EDC3: variants seen among roughly 807,000 people sequenced by gnomAD.
EDC3 encodes enhancer of mRNA-decapping protein 3.
A neutral mutation model predicts 41.8 loss-of-function variants in EDC3; 20 were observed. The ratio of observed to expected loss-of-function variants is 0.48; its 90% CI spans 0.34 to 0.70. EDC3 has a LOEUF of 0.70. Ranked by LOEUF, EDC3 falls within the 30% of genes least tolerant of loss-of-function variation. The probability of loss-of-function intolerance (pLI) is 0.01; values close to 1 mark genes in which losing one functional copy is unlikely to be tolerated. For synonymous variants in EDC3, 206 were observed against 243.2 expected (o/e 0.85, Z 1.42); for missense variants, 444 against 636.8 (o/e 0.70, Z 3.26).
At chr15:74,691,485 C>G (rs1246969697) in intron 1 of EDC3, among the ~76,000 whole-genome samples, 1 of 152,190 alleles carries the variant, frequency 6.6e-6, no homozygotes, top group African/African-American at 2.4e-5. Context: ...GTGAGGGCCA[C>G]CTCACTTCTC....
intron 3 of EDC3, among the ~76,000 whole-genome samples, chr15:74,665,521 C>T (rs1194694947): frequency 6.6e-6 from 1 of 152,190 alleles, no homozygotes; most frequent in East Asian, 1.9e-4. Flanking sequence ...TACCCATACA[C>T]AGAGCTGCAC....
intron 1 of EDC3, among the ~76,000 whole-genome samples, chr15:74,681,193 G>A (rs1472182517): frequency 2.6e-5 from 4 of 152,162 alleles, no homozygotes; most frequent in African/African-American, 7.2e-5. Context: ...TCACTTTGTC[G>A]CCCAGGCTGG....
chr15:74,680,668 TAC>T (rs2062861237), intron 1 of EDC3, among the ~76,000 whole-genome samples: 1 of 152,172 alleles, frequency 6.6e-6, no homozygotes, highest in Non-Finnish European at 1.5e-5. Flanking sequence ...AAAAAAAGTA[TAC>T]AGTTTGTAAA....
At chr15:74,650,316 A>G (rs1159579718) in intron 4 of EDC3, among the ~76,000 whole-genome samples, 1 of 152,200 alleles carries the variant, frequency 6.6e-6, no homozygotes, top group Non-Finnish European at 1.5e-5. Flanking sequence ...TCTACTCCCC[A>G]GCACAAACTC....
chr15:74,650,566 T>C (rs1284409720), intron 4 of EDC3, among the ~76,000 whole-genome samples: 1 of 152,206 alleles, frequency 6.6e-6, no homozygotes, highest in Non-Finnish European at 1.5e-5. Flanking sequence ...TCTGGGCATA[T>C]ATGGAATCTT....
At chr15:74,640,041 G>A (rs1011864618) in intron 5 of EDC3, 2 of 172,914 alleles carry the variant, frequency 1.2e-5, no homozygotes, top group African/African-American at 4.8e-5. Flanking sequence ...AGGGGCAGGT[G>A]GGAAGGTGCC....
chr15:74,651,919 A>G (rs552783469), intron 4 of EDC3, among the ~76,000 whole-genome samples: 1 of 152,356 alleles, frequency 6.6e-6, no homozygotes, highest in Admixed American at 6.5e-5. Flanking sequence ...ACCTGCTCAG[A>G]ACACTTACAC....
chr15:74,662,715 G>A (rs1316816397), intron 3 of EDC3, among the ~76,000 whole-genome samples: 1 of 152,146 alleles, frequency 6.6e-6, no homozygotes, highest in Non-Finnish European at 1.5e-5. Context: ...AAAATAAGCA[G>A]TTGATCAGTG....
intron 4 of EDC3, among the ~76,000 whole-genome samples, chr15:74,654,991 A>G (rs2062528402): frequency 6.6e-6 from 1 of 152,194 alleles, no homozygotes; most frequent in African/African-American, 2.4e-5. Flanking sequence ...TTCAATAACA[A>G]TGGTTTTCAA....
chr15:74,649,427 G>A (rs924418891), intron 4 of EDC3, among the ~76,000 whole-genome samples: 6 of 151,998 alleles, frequency 3.9e-5, no homozygotes, highest in African/African-American at 1.4e-4. Flanking sequence ...CTACACTTCT[G>A]TTATTAGTAT....
Position 74,640,490 on chromosome 15 carries a change from A to G in EDC3, c.950T>C (p.Leu317Pro). 6.2e-7 allele frequency: 1 copy of G among 1,614,224 alleles called. No homozygotes were observed. The highest frequency in any genetic ancestry group is 8.5e-7 in the Non-Finnish European group (1 of 1,180,026). Residue 317 changes from leucine (L) to proline (P), a missense_variant, in exon 5 of 7, where the codon CTG (leucine) becomes CCG (proline). Leu to Pro is a moderately conservative substitution (Grantham distance 98). Transcript: ENST00000315127. The stretch of plus-strand genomic sequence containing the variant: ...CCTGTTAGGTCCTCCGAGGAGGGTC[A>G]GTGCCATCTGACTGGCACACACACC... Reference protein sequence around the residue: ...MTGVCASQMALTLLGGPNRLN... With the variant: ...MTGVCASQMAPTLLGGPNRLN...
chr15:74,682,737 C>T (rs867497554), intron 1 of EDC3, among the ~76,000 whole-genome samples: 15 of 151,892 alleles, frequency 9.9e-5, no homozygotes, highest in South Asian at 4.1e-4. Flanking sequence ...AAAACCTGTA[C>T]GTGGGCTGGG....
chr15:74,642,664 G>A (rs1345539445), intron 4 of EDC3: 5 of 152,150 alleles, frequency 3.3e-5, no homozygotes, highest in Admixed American at 1.3e-4. Context: ...TTTGAAATGG[G>A]TCAGGGCAGT....
At chr15:74,689,803 CG>C (rs1276132296) in intron 1 of EDC3, among the ~76,000 whole-genome samples, 2 of 152,232 alleles carry the variant, frequency 1.3e-5, no homozygotes, top group Admixed American at 1.3e-4. Flanking sequence ...GGATTACAGG[CG>C]TGAGCCACTG....
chr15:74,681,614 A>G (rs2062871441), intron 1 of EDC3, among the ~76,000 whole-genome samples: 1 of 152,236 alleles, frequency 6.6e-6, no homozygotes, highest in African/African-American at 2.4e-5. Context: ...AATATGCCCA[A>G]CTGATTTTTG....
In EDC3 at chr15:74,671,762, A is replaced by C; in HGVS notation, c.177T>G (p.Ile59Met). Residue 59 changes from isoleucine to methionine, a missense_variant, in exon 3 of 7, where the codon ATT becomes ATG. Around this residue, in one of 3 missense-constraint regions of EDC3, gnomAD observed 200 missense variants for 244.0 expected, o/e 0.82. Transcript: ENST00000315127. The surrounding 1 kb of genome is among the most constrained non-coding windows in gnomAD (Gnocchi z 4.6). ...VPEVTFRAGD[I>M]TELKILEIPG... ...GTATCTCCAGAATTTTTAACTCCGT[A>C]ATGTCACCTGCCCTGAAATACACAA... 2 of 1,613,860 alleles carry C rather than the reference A, an allele frequency of 1.2e-6. No homozygotes were observed. Among genetic ancestry groups the C allele is most frequent in the African/African-American group, 2.7e-5 (2 of 75,024 alleles).
At chr15:74,669,420 G>A (rs948088490) in intron 3 of EDC3, among the ~76,000 whole-genome samples, 14 of 151,266 alleles carry the variant, frequency 9.3e-5, no homozygotes, top group Middle Eastern at 3.4e-3. Context: ...GCTGAGGCAG[G>A]AGAATCACCT....
chr15:74,646,525 T>G (rs1251712071), intron 4 of EDC3, among the ~76,000 whole-genome samples: 3 of 152,198 alleles, frequency 2.0e-5, no homozygotes, highest in African/African-American at 7.2e-5. Context: ...AGGTCTCAAT[T>G]TGAACTATGC....
chr15:74,646,071 T>G (rs544539359), intron 4 of EDC3, among the ~76,000 whole-genome samples: 15 of 146,820 alleles, frequency 1.0e-4, no homozygotes, highest in African/African-American at 1.6e-4. Flanking sequence ...TTTGTTTTTT[T>G]TTTTTTTTTT....
Sources: allele counts gnomAD v4.1 joint callset (sites outside exome capture counted in the v4.1 genomes callset), GRCh38; gene constraint gnomAD v4.1.1; regional missense constraint gnomAD v4.1.1; non-coding constraint Gnocchi (gnomAD v3.1); transcripts MANE v1.5; gene names NCBI Gene and HGNC (gene_info 2026-07-23, HGNC 2026-07-21).